Variants in BAZ1A observed in about 807,000 individuals in gnomAD.
BAZ1A encodes the protein bromodomain adjacent to zinc finger domain 1A.
In BAZ1A, 50 loss-of-function variants were observed where a neutral mutation model predicts 185.2. The observed-to-expected ratio is 0.27, with a 90% CI of 0.22 to 0.34. The LOEUF is 0.34. Ranked by LOEUF, BAZ1A falls within the 10% of genes least tolerant of loss-of-function variation. The pLI is 1.00. For missense variants in BAZ1A, 1,356 were observed against 1,839.9 expected (o/e 0.74, Z 4.81); for synonymous variants, 571 against 615.6 (o/e 0.93, Z 1.07).
At chr14:34,786,022 A>G in intron 13 of BAZ1A, 21 bp from the exon 14 acceptor site, 2 of 1,606,478 alleles carry the variant, frequency 1.2e-6, no homozygotes, top group Non-Finnish European at 1.7e-6. Context: ...TAAAAATGAA[A>G]TAGTCATTTA....
chr14:34,830,299 CA>C (rs1019477462), intron 3 of BAZ1A, among the ~76,000 whole-genome samples: 94 of 139,290 alleles, frequency 6.7e-4, no homozygotes, highest in South Asian at 6.7e-4. Context: ...TATTATCCAG[CA>C]AAAAAAAAAA....
At chr14:34,845,903 T>C (rs1032808583) in intron 3 of BAZ1A, among the ~76,000 whole-genome samples, 4 of 151,014 alleles carry the variant, frequency 2.6e-5, no homozygotes, top group Admixed American at 6.6e-5. Flanking sequence ...TGATCTTATA[T>C]GGCCCAATAG....
chr14:34,819,279 A>AT (rs1192486658), intron 4 of BAZ1A, among the ~76,000 whole-genome samples: 1 of 152,026 alleles, frequency 6.6e-6, no homozygotes, highest in Non-Finnish European at 1.5e-5. Flanking sequence ...CTTGGAACAT[A>AT]TCCCCCATGG....
At chr14:34,823,979 C>T (rs1200399) in intron 4 of BAZ1A, among the ~76,000 whole-genome samples, 131,300 of 152,058 alleles carry the variant, frequency 0.86, 57,636 homozygotes, top group Non-Finnish European at 0.96. Context: ...CTAAAGGACA[C>T]ACATTTACTA....
chr14:34,855,387 T>C (rs541619010), intron 3 of BAZ1A, among the ~76,000 whole-genome samples: 24 of 152,298 alleles, frequency 1.6e-4, no homozygotes, highest in African/African-American at 2.6e-4. Flanking sequence ...CTCTTTTCTT[T>C]TTCTGTTCAT....
intron 14 of BAZ1A, among the ~76,000 whole-genome samples, 196 bp from the exon 15 acceptor site, chr14:34,784,123 C>T (rs1348367831): frequency 1.3e-5 from 2 of 151,920 alleles, no homozygotes; most frequent in Admixed American, 6.6e-5. Context: ...AATCCCAGCA[C>T]TTTGGGAGGC....
At position 34,794,694 on chromosome 14, in the gene BAZ1A, A is replaced by G. The variant is rs1881084383; in HGVS notation, c.1363+55T>C. On this transcript the variant is annotated intron_variant, in intron 11 of 26. Coordinates refer to ENST00000360310, the MANE Select transcript of BAZ1A (RefSeq NM_013448.3). Reference sequence around the variant, plus strand: ...TTTACAAGGTGGCTTGTTTTTTTAAAGCCACTAATTTTAGGATGAACTATA... The same window carrying G: ...TTTACAAGGTGGCTTGTTTTTTTAAGGCCACTAATTTTAGGATGAACTATA... 1.9e-6 allele frequency: 3 copies of G among 1,555,928 alleles called. No individual in the cohort carries two copies. In the East Asian group the frequency reaches 6.8e-5, roughly 35 times the overall value.
intron 4 of BAZ1A, among the ~76,000 whole-genome samples, chr14:34,817,896 G>A (rs1465176189): frequency 6.6e-6 from 1 of 152,176 alleles, no homozygotes; most frequent in Non-Finnish European, 1.5e-5. Flanking sequence ...AGGTGAGAAT[G>A]TAAAGTGGCA....
intron 16 of BAZ1A, among the ~76,000 whole-genome samples, chr14:34,781,827 A>C (rs1387920361): frequency 1.3e-5 from 2 of 152,178 alleles, no homozygotes; most frequent in Non-Finnish European, 2.9e-5. Context: ...ATATTTTCAA[A>C]GTTCATCCAC....
chr14:34,762,133 T>C lies in BAZ1A; in HGVS notation c.3867A>G (p.Gln1289=). 1 of 1,613,506 alleles carries C rather than the reference T, an allele frequency of 6.2e-7. No individual in the cohort carries two copies. The highest frequency in any genetic ancestry group is 8.5e-7 in the Non-Finnish European group (1 of 1,179,978). The change falls in exon 24 of 27, where the codon CAA becomes CAG. Residue 1289 remains glutamine, a synonymous_variant. Coordinates refer to ENST00000360310, the MANE Select transcript of BAZ1A (RefSeq NM_013448.3). ...TCCTTGAAGGGTATCTTCCAGGTTCTTGTTGTTGGCCACGACTTGAGAAAG... is the reference window on the plus strand; with the variant it reads ...TCCTTGAAGGGTATCTTCCAGGTTCCTGTTGTTGGCCACGACTTGAGAAAG... ...SSSFSSRGQQ[Q]EPGRYPSRSQ...
chr14:34,808,450 A>T (rs1348201012), intron 5 of BAZ1A, among the ~76,000 whole-genome samples: 1 of 152,148 alleles, frequency 6.6e-6, no homozygotes, highest in Non-Finnish European at 1.5e-5. Context: ...GTGAGCCGAG[A>T]TCGTGCTGCT....
chr14:34,861,140 G>GA (rs983492261), intron 3 of BAZ1A, among the ~76,000 whole-genome samples: 14 of 148,736 alleles, frequency 9.4e-5, no homozygotes, highest in Non-Finnish European at 7.5e-5. Context: ...TTAAAATCGA[G>GA]AAAAAAAAAA....
intron 9 of BAZ1A, 89 bp downstream of exon 9, chr14:34,800,135 A>C: frequency 2.6e-6 from 3 of 1,175,726 alleles, no homozygotes; most frequent in Non-Finnish European, 3.4e-6. Flanking sequence ...TGAAAGTAGT[A>C]AAAGCATTTA....
chr14:34,837,334 C>T (rs1486067677), intron 3 of BAZ1A, among the ~76,000 whole-genome samples: 1 of 151,762 alleles, frequency 6.6e-6, no homozygotes, highest in Non-Finnish European at 1.5e-5. Context: ...TTCCGCCTCC[C>T]AGTCTCAAGC....
chr14:34,767,257 C>T (rs1005090846), intron 21 of BAZ1A, among the ~76,000 whole-genome samples: 3 of 152,074 alleles, frequency 2.0e-5, no homozygotes, highest in African/African-American at 4.8e-5. Context: ...CTGTATCTAA[C>T]GTCTAATTGG....
intron 1 of BAZ1A, 23 bp downstream of exon 1, chr14:34,875,115 G>A: frequency 2.7e-6 from 1 of 364,982 alleles, no homozygotes; most frequent in Non-Finnish European, 5.4e-6. Flanking sequence ...GCCGGCGCCG[G>A]CCGGCTCCCG....
chr14:34,816,080 CTTTTTTTT>C lies in BAZ1A; in HGVS notation c.537-5052_537-5045del, dbSNP rs35830800. On this transcript the variant is annotated intron_variant, in intron 4 of 26. Coordinates refer to ENST00000360310, the MANE Select transcript of BAZ1A (RefSeq NM_013448.3). ...AAGCTACATACATATTATTCCAGAC[CTTTTTTTT>C]TTTTTTTTTTTTTTTTTGAGATAGT... Among the ~76,000 whole-genome samples, 11 of 79,392 alleles carry C rather than the reference CTTTTTTTT, an allele frequency of 1.4e-4. No homozygotes were observed. In the East Asian group the frequency reaches 2.6e-3, roughly 19 times the overall value. The allele number at this position is 79,392 out of a possible 152,430, so 52.1% of individuals were successfully genotyped here. A position where few individuals can be genotyped will look rare whatever the true frequency, so the allele number is the denominator to read the frequency against.
Position 34,816,993 on chromosome 14 carries a change from C to T in BAZ1A, c.537-5957G>A, listed in dbSNP as rs2042015985. The T allele has an allele frequency of 2.1e-5, 4 of 193,280 alleles. No homozygotes were observed. The South Asian group carries it at 2.6e-4, about 13-fold the overall frequency. The allele number at this position is 193,280 out of a possible 1,614,324, so 12.0% of individuals were successfully genotyped here. A position where few individuals can be genotyped will look rare whatever the true frequency, so the allele number is the denominator to read the frequency against. On this transcript the variant is annotated intron_variant, in intron 4 of 26. Coordinates refer to ENST00000360310, the MANE Select transcript of BAZ1A (RefSeq NM_013448.3). ...ACAATATAACATTACTGGGCCAATT[C>T]TTGAACGGCAAACATTAAGAGTAAA... is the stretch of plus-strand genomic sequence containing the variant.
At chr14:34,796,358 T>C (rs985048105) in intron 9 of BAZ1A, among the ~76,000 whole-genome samples, 2 of 152,156 alleles carry the variant, frequency 1.3e-5, no homozygotes, top group African/African-American at 2.4e-5. Context: ...TAATCTGACT[T>C]GATCTATAGC....
Sources: gnomAD v4.1 joint callset for allele counts (sites outside exome capture counted in the v4.1 genomes callset) on GRCh38, gnomAD v4.1.1 for gene constraint, MANE v1.5 for transcripts, NCBI Gene and HGNC (gene_info 2026-07-23, HGNC 2026-07-21) for gene names.